ARMCX4: variants seen among roughly 807,000 people sequenced by gnomAD.
The protein encoded by ARMCX4 is armadillo repeat containing X-linked 4, also known as armadillo repeat-containing X-linked protein 4.
Under a neutral mutation model 34.7 loss-of-function variants are expected in ARMCX4, and 3 were observed. The ratio of observed to expected loss-of-function variants is 0.09; its 90% CI spans 0.04 to 0.22. ARMCX4 has a LOEUF of 0.22. Ranked by LOEUF, ARMCX4 falls within the 10% of genes least tolerant of loss-of-function variation. ARMCX4 has a pLI of 1.00. For missense variants in ARMCX4, 1,448 were observed against 1,720.8 expected (o/e 0.84, Z 2.81); for synonymous variants, 513 against 632.8 (o/e 0.81, Z 2.84).
chrX:101,462,505 T>A (rs1447267824), intron 4 of ARMCX4, among the ~76,000 whole-genome samples: 2 of 108,627 alleles, frequency 1.8e-5, no homozygotes, highest in East Asian at 5.8e-4. Flanking sequence ...CTGGGCGTGG[T>A]GATGCGTGCC....
At chrX:101,513,531 C>T (rs1934642261) in intron 11 of ARMCX4, among the ~76,000 whole-genome samples, 1 of 111,618 alleles carries the variant, frequency 9.0e-6, no homozygotes, top group Admixed American at 9.5e-5. Context: ...TGTTATATGA[C>T]AAGGGAATAA....
At chrX:101,433,240 GTA>G (rs200580799) in intron 2 of ARMCX4, among the ~76,000 whole-genome samples, 4,971 of 31,526 alleles carry the variant, frequency 0.16, 135 homozygotes, top group Middle Eastern at 0.28. Context: ...GTACACATAT[GTA>G]TATATACACA....
At position 101,519,896 on chromosome X, in the gene ARMCX4, G is replaced by A. The variant is rs377597281; in HGVS notation, c.*1780+8841G>A. Reference sequence around the variant, plus strand: ...TGAGGTGATATCTCATTGTGGTTTTGATTTGCATTTCCCTAATGATTAGTG... The same window carrying A: ...TGAGGTGATATCTCATTGTGGTTTTAATTTGCATTTCCCTAATGATTAGTG... On this transcript the variant is annotated intron_variant and NMD_transcript_variant, in intron 11 of 12. Coordinates refer to the ARMCX4 transcript ENST00000354842. Among the ~76,000 whole-genome samples, 11 of 110,482 alleles carry A rather than the reference G, an allele frequency of 1.0e-4. No homozygotes were observed. The East Asian group carries it at 3.1e-3, about 31-fold the overall frequency.
intron 4 of ARMCX4, among the ~76,000 whole-genome samples, chrX:101,459,016 T>C (rs1437379670): frequency 8.9e-6 from 1 of 111,944 alleles, no homozygotes; most frequent in African/African-American, 3.2e-5. Flanking sequence ...AGGGAAGTAT[T>C]GGGACCCCTG....
At chrX:101,456,974 A>T (rs1326258566) in intron 4 of ARMCX4, among the ~76,000 whole-genome samples, 3 of 111,399 alleles carry the variant, frequency 2.7e-5, no homozygotes, top group Admixed American at 1.9e-4. Context: ...GGGATTTGCT[A>T]TGTTGTCCAG....
chrX:101,434,342 C>A (rs887013595), intron 2 of ARMCX4, among the ~76,000 whole-genome samples: 2 of 108,285 alleles, frequency 1.8e-5, no homozygotes, highest in Non-Finnish European at 3.8e-5. Context: ...CAACCTCCGC[C>A]GCCCAAGCGA....
At chrX:101,467,594 T>C (rs1332561536) in intron 4 of ARMCX4, among the ~76,000 whole-genome samples, 1 of 112,384 alleles carries the variant, frequency 8.9e-6, no homozygotes, top group African/African-American at 3.2e-5. Flanking sequence ...AGTTATGTTT[T>C]TCCCTCATGG....
At chrX:101,513,183 A>G (rs934796424) in intron 11 of ARMCX4, among the ~76,000 whole-genome samples, 1 of 111,462 alleles carries the variant, frequency 9.0e-6, no homozygotes, top group Non-Finnish European at 1.9e-5. Context: ...TCAATAGATT[A>G]TAAATGTGAA....
chrX:101,481,550 G>A (rs189872919), upstream of ARMCX4, among the ~76,000 whole-genome samples: 39 of 111,833 alleles, frequency 3.5e-4, no homozygotes, highest in Admixed American at 1.8e-3. Flanking sequence ...TTTGTACACA[G>A]TGTGCATGAG....
chrX:101,442,674 C>T (rs1265624170), intron 2 of ARMCX4, among the ~76,000 whole-genome samples: 1 of 111,011 alleles, frequency 9.0e-6, no homozygotes, highest in African/African-American at 3.3e-5. Context: ...GTTGGGAGGG[C>T]CCATCAGAGA....
chrX:101,419,820 G>A (rs1233361078), intron 2 of ARMCX4, among the ~76,000 whole-genome samples: 2 of 111,284 alleles, frequency 1.8e-5, no homozygotes, highest in Non-Finnish European at 3.8e-5. Context: ...CTCCCCTTAG[G>A]AATTTTCTTT....
chrX:101,437,038 T>G (rs1360011410), intron 2 of ARMCX4, among the ~76,000 whole-genome samples: 1 of 112,046 alleles, frequency 8.9e-6, no homozygotes, highest in Non-Finnish European at 1.9e-5. Context: ...GCTGCTGGAT[T>G]CAGTTTCCCA....
Position 101,474,732 on chromosome X carries a change from A to T in ARMCX4, c.-472-11291A>T, listed in dbSNP as rs782786351. 1.0e-4 allele frequency among the ~76,000 whole-genome samples: 10 copies of T among 96,791 alleles called. No individual in the cohort carries two copies. In the East Asian group the frequency reaches 3.2e-3, roughly 31 times the overall value. 84.1% of individuals were successfully genotyped at this position (96,791 alleles called of 115,157 possible). A position where few individuals can be genotyped will look rare whatever the true frequency, so the allele number is the denominator to read the frequency against. ...ACCACATGATTATCTCAATAGATGC[A>T]GAAAAAGCCTTTGACAAAATTCAAC... is the stretch of plus-strand genomic sequence containing the variant. On this transcript the variant is annotated intron_variant and NMD_transcript_variant, in intron 4 of 15. Transcript: ENST00000433011.
chrX:101,445,751 A>G, intron 3 of ARMCX4, among the ~76,000 whole-genome samples: 1 of 110,602 alleles, frequency 9.0e-6, no homozygotes, highest in South Asian at 3.9e-4. Flanking sequence ...CCTTTCCCCT[A>G]CCCCTATCTA....
Position 101,442,073 on chromosome X carries a change from C to T in ARMCX4, n.165-1979C>T, listed in dbSNP as rs894543188. Among the ~76,000 whole-genome samples the T allele has an allele frequency of 2.9e-4, 32 of 112,158 alleles. 1 individual carries two copies. The Admixed American group carries it at 2.9e-3, about 10-fold the overall frequency. Reference sequence around the variant, plus strand: ...TTCATCCAACCCTAAAAGAGGTAACCAAAACAGAAACAATCCTATGTGTAA... The same window carrying T: ...TTCATCCAACCCTAAAAGAGGTAACTAAAACAGAAACAATCCTATGTGTAA... On this transcript the variant is annotated intron_variant and non_coding_transcript_variant, in intron 2 of 3. Transcript: ENST00000430461.
At chrX:101,461,189 A>T (rs1444334467) in intron 4 of ARMCX4, among the ~76,000 whole-genome samples, 1 of 112,048 alleles carries the variant, frequency 8.9e-6, no homozygotes, top group Non-Finnish European at 1.9e-5. Flanking sequence ...AGAACTCTTC[A>T]TTTTGAATAA....
intron 2 of ARMCX4, among the ~76,000 whole-genome samples, chrX:101,425,580 A>C (rs180839024): frequency 9.1e-6 from 1 of 109,657 alleles, no homozygotes; most frequent in East Asian, 2.9e-4. Flanking sequence ...TTTTTAGTAG[A>C]AACGGGGTTT....
At chrX:101,480,631 A>G (rs1303497107), upstream of ARMCX4, among the ~76,000 whole-genome samples, 1 of 111,992 alleles carries the variant, frequency 8.9e-6, no homozygotes, top group Non-Finnish European at 1.9e-5. Flanking sequence ...GATTGAGAAA[A>G]TATATGTACA....
Position 101,490,953 on chromosome X carries a change from C to A in ARMCX4, c.2364C>A (p.Val788=). The A allele has an allele frequency of 8.7e-7, 1 of 1,155,368 alleles. No individual in the cohort carries two copies. The highest frequency in any genetic ancestry group is 1.1e-6 in the Non-Finnish European group (1 of 872,773). Residue 788 remains valine (V), a synonymous_variant, in exon 6 of 6, where the codon GTC becomes GTA. Transcript: ENST00000423738. ...CTGGGATGGGTGCAACAGGCTCTGT[C>A]CAGCCCCAGGCTGTGGCTAATTCCC... ...AEAGMGATGS[V]QPQAVANSHC...
Sources: gnomAD v4.1 joint callset for allele counts (sites outside exome capture counted in the v4.1 genomes callset) on GRCh38, gnomAD v4.1.1 for gene constraint, MANE v1.5 for transcripts, NCBI Gene and HGNC (gene_info 2026-07-23, HGNC 2026-07-21) for gene names.